Variants in ARHGAP29 observed in about 807,000 individuals in gnomAD.
ARHGAP29 encodes rho GTPase-activating protein 29.
ARHGAP29 carries 43 observed loss-of-function variants against 122.6 expected under a neutral mutation model. That is an observed-to-expected ratio of 0.35 (90% CI 0.27 to 0.45). The LOEUF is 0.45. Ranked by LOEUF, ARHGAP29 falls within the 20% of genes least tolerant of loss-of-function variation. The pLI, the probability that ARHGAP29 is intolerant of heterozygous loss-of-function variation, is 1.00. For missense variants in ARHGAP29, 1,303 were observed against 1,477.2 expected, an observed-to-expected ratio of 0.88 and a Z score of 1.93; for synonymous variants, 506 against 497.1, an observed-to-expected ratio of 1.02 and a Z score of -0.24.
chr1:94,224,590 T>A (rs556619215), intron 2 of ARHGAP29, among the ~76,000 whole-genome samples: 3 of 152,322 alleles, frequency 2.0e-5, no homozygotes, highest in African/African-American at 7.2e-5. Context: ...TTTCTCAGTT[T>A]TAATTTCTAA....
chr1:94,310,764 T>C, the ARHGAP29 span, among the ~76,000 whole-genome samples: 1 of 151,612 alleles, frequency 6.6e-6, no homozygotes, highest in South Asian at 2.1e-4. Context: ...ACCTATTTGG[T>C]GCTTGCTTCA....
At chr1:94,183,597 A>G (rs1034635674) in intron 19 of ARHGAP29, among the ~76,000 whole-genome samples, 3 of 152,168 alleles carry the variant, frequency 2.0e-5, no homozygotes, top group Non-Finnish European at 4.4e-5. Context: ...AGTACATTAC[A>G]TGTTCCCAGG....
intron 6 of ARHGAP29, 144 bp from the exon 7 acceptor site, chr1:94,205,342 G>T: frequency 1.5e-6 from 1 of 662,938 alleles, no homozygotes; most frequent in Non-Finnish European, 2.3e-6. Context: ...CAATTAAAAG[G>T]CCAGAGTTTA....
chr1:94,181,071 C>T (rs1649423620), intron 19 of ARHGAP29, among the ~76,000 whole-genome samples: 1 of 152,160 alleles, frequency 6.6e-6, no homozygotes, highest in Non-Finnish European at 1.5e-5. Context: ...ATACAGTAAG[C>T]CCACAGGACT....
chr1:94,236,336 T>C (rs748768119), intron 1 of ARHGAP29, among the ~76,000 whole-genome samples: 6 of 152,194 alleles, frequency 3.9e-5, no homozygotes, highest in Non-Finnish European at 7.3e-5. Flanking sequence ...TGGCAGGCAG[T>C]ACTCTCCTTT....
upstream of ARHGAP29, among the ~76,000 whole-genome samples, chr1:94,277,541 C>T (rs1655233270): frequency 6.6e-6 from 1 of 151,918 alleles, no homozygotes; most frequent in Non-Finnish European, 1.5e-5. Flanking sequence ...ATGAAAGTTA[C>T]TTTTTGAAAG....
the ARHGAP29 span, among the ~76,000 whole-genome samples, chr1:94,309,094 G>A: frequency 7.9e-5 from 12 of 152,310 alleles, no homozygotes; most frequent in African/African-American, 2.4e-4. Context: ...CTCTTGTTGC[G>A]GGGGCGCCCA....
At chr1:94,228,803 C>T (rs1652766177) in intron 2 of ARHGAP29, among the ~76,000 whole-genome samples, 1 of 151,780 alleles carries the variant, frequency 6.6e-6, no homozygotes, top group Admixed American at 6.6e-5. Context: ...CTAGCCTCAA[C>T]CTATGATTAA....
intron 9 of ARHGAP29, 33 bp downstream of exon 9, chr1:94,203,067 A>C: frequency 6.3e-7 from 1 of 1,595,566 alleles, no homozygotes; most frequent in Non-Finnish European, 8.5e-7. Flanking sequence ...GCTTAAAAAT[A>C]AAAGTGCATT....
the ARHGAP29 span, among the ~76,000 whole-genome samples, chr1:94,305,873 A>G: frequency 6.6e-6 from 1 of 152,214 alleles, no homozygotes; most frequent in East Asian, 1.9e-4. Context: ...AATCATACAT[A>G]TGATACATGA....
chr1:94,213,428 C>T (rs527338567), intron 3 of ARHGAP29, among the ~76,000 whole-genome samples: 15 of 152,240 alleles, frequency 9.9e-5, no homozygotes, highest in African/African-American at 3.4e-4. Context: ...GTGATCTGCC[C>T]GCCTCGGCCT....
At position 94,174,432 on chromosome 1, in the gene ARHGAP29, G is replaced by T. The variant is rs1648956896; in HGVS notation, c.3223C>A (p.Gln1075Lys). 1 of 1,614,200 alleles carries T rather than the reference G, an allele frequency of 6.2e-7. No individual in the cohort carries two copies. The highest frequency in any genetic ancestry group is 2.2e-5 in the East Asian group (1 of 44,886). The change falls in exon 23 of 23, where the codon CAA becomes AAA. Residue 1075 changes from glutamine (Q) to lysine (K), a missense_variant. By Grantham distance (53) the Gln-to-Lys change is moderately conservative. Transcript: ENST00000260526. ...VCSKFNGFDQ[Q>K]TLQKIQDKQY... ...TTGTCCTGAATTTTCTGTAGAGTTT[G>T]CTGGTCAAAGCCATTAAATTTGGAA... is the stretch of plus-strand genomic sequence containing the variant.
intron 22 of ARHGAP29, among the ~76,000 whole-genome samples, chr1:94,175,131 G>GT (rs1649009278): frequency 6.6e-6 from 1 of 152,154 alleles, no homozygotes. Context: ...CCAACCAGAT[G>GT]TAAGTGTGCC....
At chr1:94,273,320 C>T (rs560182556) in intron 1 of ARHGAP29, among the ~76,000 whole-genome samples, 5 of 152,286 alleles carry the variant, frequency 3.3e-5, no homozygotes, top group African/African-American at 7.2e-5. Flanking sequence ...CTCTGCAGGA[C>T]GTTTTTCTGA....
At position 94,211,846 on chromosome 1, in the gene ARHGAP29, C is replaced by T. The variant is rs554123588; in HGVS notation, c.341-2496G>A. Among the ~76,000 whole-genome samples the T allele has an allele frequency of 6.6e-5, 10 of 152,214 alleles. No individual in the cohort carries two copies. In the South Asian group the frequency reaches 1.7e-3, roughly 25 times the overall value. ...CATATAAATGTGACAAGTTGGTGTG[C>T]TGCACCCATTAACTGTCATTTAGCA... On this transcript the variant is annotated intron_variant, in intron 3 of 22. Coordinates refer to ENST00000260526, the MANE Select transcript of ARHGAP29 (RefSeq NM_004815.4).
intron 2 of ARHGAP29, among the ~76,000 whole-genome samples, chr1:94,226,042 C>A (rs1652592078): frequency 6.6e-6 from 1 of 151,788 alleles, no homozygotes; most frequent in Non-Finnish European, 1.5e-5. Flanking sequence ...ATTGCCAACA[C>A]TTCATGGAAA....
At chr1:94,277,715 C>T (rs558932121), upstream of ARHGAP29, among the ~76,000 whole-genome samples, 3 of 152,056 alleles carry the variant, frequency 2.0e-5, no homozygotes, top group Admixed American at 1.3e-4. Flanking sequence ...CTCTGCAATT[C>T]CCTCCTCCTT....
At chr1:94,235,071 A>G (rs530401781) in intron 1 of ARHGAP29, among the ~76,000 whole-genome samples, 6 of 152,272 alleles carry the variant, frequency 3.9e-5, no homozygotes, top group African/African-American at 1.2e-4. Flanking sequence ...AACACATGGC[A>G]AGGAGAAGAG....
intron 1 of ARHGAP29, among the ~76,000 whole-genome samples, chr1:94,272,415 G>A (rs756608367): frequency 6.6e-6 from 1 of 152,178 alleles, no homozygotes. Context: ...AGACTGTGGT[G>A]ACCATGAAAG....
Sources: gnomAD v4.1 joint callset for allele counts (sites outside exome capture counted in the v4.1 genomes callset) on GRCh38, gnomAD v4.1.1 for gene constraint, MANE v1.5 for transcripts, NCBI Gene and HGNC (gene_info 2026-07-23, HGNC 2026-07-21) for gene names.